The following UGT1A7 variants were observed in gnomAD, a reference collection of about 807,000 sequenced individuals.
UGT1A7 encodes the protein UDP glucuronosyltransferase family 1 member A7.
In UGT1A7, 33 loss-of-function variants were observed where a neutral mutation model predicts 45.6. The ratio of observed to expected loss-of-function variants is 0.72; its 90% CI spans 0.55 to 0.97. UGT1A7 has a LOEUF of 0.97. UGT1A7 is among the 50% of genes least tolerant of loss of function. The pLI, the probability that UGT1A7 is intolerant of heterozygous loss-of-function variation, is 0.00. For missense variants in UGT1A7, 684 were observed against 666.2 expected (o/e 1.03, Z -0.29); for synonymous variants, 274 against 250.6 (o/e 1.09, Z -0.88).
chr2:233,771,766 C>T (rs1025155606), intron 4 of UGT1A7, among the ~76,000 whole-genome samples: 1 of 151,968 alleles, frequency 6.6e-6, no homozygotes, highest in African/African-American at 2.4e-5. Context: ...CTTCCTCCGT[C>T]CCTCTCTCCT....
chr2:233,696,068 A>T (rs1471650951), intron 1 of UGT1A7, among the ~76,000 whole-genome samples: 1 of 152,218 alleles, frequency 6.6e-6, no homozygotes, highest in Non-Finnish European at 1.5e-5. Context: ...TACAGCCACT[A>T]TGAAGAACAG....
chr2:233,758,756 G>A (rs1321245048), intron 1 of UGT1A7, among the ~76,000 whole-genome samples: 1 of 152,198 alleles, frequency 6.6e-6, no homozygotes, highest in Non-Finnish European at 1.5e-5. Context: ...GGCCAGTGAT[G>A]TGTATGGTTC....
At chr2:233,737,822 A>G (rs1690601410) in intron 1 of UGT1A7, among the ~76,000 whole-genome samples, 1 of 152,126 alleles carries the variant, frequency 6.6e-6, no homozygotes, top group African/African-American at 2.4e-5. Flanking sequence ...GGAGCAGAAC[A>G]AATTGGGAAC....
chr2:233,729,302 T>A, intron 1 of UGT1A7: 1 of 1,614,250 alleles, frequency 6.2e-7, no homozygotes, highest in Non-Finnish European at 8.5e-7. Context: ...CACCAGGCAG[T>A]GGTCCTCACC....
At chr2:233,726,020 T>C (rs1287334417) in intron 1 of UGT1A7, among the ~76,000 whole-genome samples, 1 of 152,052 alleles carries the variant, frequency 6.6e-6, no homozygotes, top group African/African-American at 2.4e-5. Context: ...CAAAAAATTA[T>C]CCAGGTGTGA....
intron 1 of UGT1A7, chr2:233,719,474 G>C: frequency 6.2e-7 from 1 of 1,613,940 alleles, no homozygotes. Context: ...TCTACCCTCT[G>C]GCCCTGTCCT....
At chr2:233,692,144 A>G (rs1047287655) in intron 1 of UGT1A7, 1 of 152,200 alleles carries the variant, frequency 6.6e-6, no homozygotes, top group East Asian at 1.9e-4. Flanking sequence ...ATGGAAGCCT[A>G]CATAAAAACT....
chr2:233,743,704 C>G, intron 1 of UGT1A7: 2 of 1,367,360 alleles, frequency 1.5e-6, no homozygotes, highest in Non-Finnish European at 2.0e-6. Context: ...CCTCCGCCCC[C>G]GCCTCGCCAT....
In UGT1A7 at chr2:233,772,606, T is replaced by C. The variant is rs34895241; in HGVS notation, c.*47T>C. 98 of 1,584,170 alleles carry C rather than the reference T, an allele frequency of 6.2e-5. No homozygotes were observed. Among genetic ancestry groups the C allele is most frequent in the Admixed American group, 4.5e-4 (25 of 55,206 alleles). On this transcript the variant is annotated 3_prime_UTR_variant, in exon 5 of 5. Transcript: ENST00000373426. The stretch of plus-strand genomic sequence containing the variant: ...AAAATTTTGAACCATTCCCTAGTCA[T>C]TTCCAAACTTGAAAACAGAATCAGT...
rs760358460 is a variant in UGT1A7 at position 233,693,812 on chromosome 2, A to C, written c.855+11020A>C. 22 of 1,614,124 alleles carry C rather than the reference A, an allele frequency of 1.4e-5. No homozygotes were observed. In the South Asian group the frequency reaches 2.3e-4, roughly 17 times the overall value. On this transcript the variant is annotated intron_variant, in intron 1 of 4. Transcript: ENST00000373426. ...TGAATATCCTAGGCCGGTCATGCCC[A>C]ACATGGTCTTCATTGGAGGTATCAA... is the stretch of plus-strand genomic sequence containing the variant.
Position 233,772,351 on chromosome 2 carries a change from T to C in UGT1A7, c.1385T>C (p.Val462Ala). 1 of 1,614,248 alleles carries C rather than the reference T, an allele frequency of 6.2e-7. No individual in the cohort carries two copies. The change falls in exon 5 of 5, where the codon GTG becomes GCG. Residue 462 changes from valine (V) to alanine (A), a missense_variant. Transcript: ENST00000373426. ...CTGGCCGTGTTCTGGGTGGAGTTTG[T>C]GATGAGGCACAAGGGCGCGCCACAC... ...LDLAVFWVEF[V>A]MRHKGAPHLR...
rs545178357 is a variant in UGT1A7 at position 233,762,901 on chromosome 2, A to C, written c.856-4133A>C. ...TCTTATAAATTCCATGCCAAATATC[A>C]GGGCTATTGAATTTATTAGAATCTC... On this transcript the variant is annotated intron_variant, in intron 1 of 4. Coordinates refer to ENST00000373426, the MANE Select transcript of UGT1A7 (RefSeq NM_019077.3). Among the ~76,000 whole-genome samples the C allele has an allele frequency of 3.3e-5, 5 of 152,312 alleles. No homozygotes were observed. In the South Asian group the frequency reaches 1.0e-3, roughly 32 times the overall value.
At chr2:233,749,031 C>A (rs1694088347) in intron 1 of UGT1A7, among the ~76,000 whole-genome samples, 1 of 151,676 alleles carries the variant, frequency 6.6e-6, no homozygotes, top group African/African-American at 2.4e-5. Context: ...ATTTGGGGTT[C>A]ATTGATGTGG....
rs531889004 is a variant in UGT1A7 at position 233,731,047 on chromosome 2, T to C, written c.856-35987T>C. Among the ~76,000 whole-genome samples, 5 of 152,366 alleles carry C rather than the reference T, an allele frequency of 3.3e-5. No homozygotes were observed. In the East Asian group the frequency reaches 5.8e-4, roughly 18 times the overall value. On this transcript the variant is annotated intron_variant, in intron 1 of 4. Transcript: ENST00000373426. ...GCCTTTTTATGTCATATTCACCGAA[T>C]GTGTATGAACTTCCATGATTTAGAT...
At chr2:233,743,564 G>C (rs772866173) in intron 1 of UGT1A7, 1 of 1,367,272 alleles carries the variant, frequency 7.3e-7, no homozygotes, top group East Asian at 4.6e-5. Flanking sequence ...ATTCTCCAGC[G>C]GGTTTCCCAA....
chr2:233,772,009 A>G (rs1267109388), intron 4 of UGT1A7, among the ~76,000 whole-genome samples: 2 of 152,192 alleles, frequency 1.3e-5, no homozygotes, highest in African/African-American at 4.8e-5. Context: ...GCTACTCTGG[A>G]GGCTGAGGCA....
At chr2:233,729,199 T>G (rs767614546) in intron 1 of UGT1A7, 1 of 1,614,000 alleles carries the variant, frequency 6.2e-7, no homozygotes, top group Non-Finnish European at 8.5e-7. Context: ...TGTCCAGCCC[T>G]GGGCTGAGAG....
At chr2:233,730,586 G>A (rs2078050719) in intron 1 of UGT1A7, among the ~76,000 whole-genome samples, 1 of 152,116 alleles carries the variant, frequency 6.6e-6, no homozygotes, top group Admixed American at 6.6e-5. Context: ...TTCCAGACAG[G>A]GATCTGTGCT....
At chr2:233,703,336 CTT>C (rs2075733566) in intron 1 of UGT1A7, among the ~76,000 whole-genome samples, 1 of 151,932 alleles carries the variant, frequency 6.6e-6, no homozygotes, top group South Asian at 2.1e-4. Flanking sequence ...AGTCTTCTCT[CTT>C]TTTTCTTTGT....
Sources: allele counts gnomAD v4.1 joint callset (sites outside exome capture counted in the v4.1 genomes callset), GRCh38; gene constraint gnomAD v4.1.1; transcripts MANE v1.5; gene names NCBI Gene and HGNC (gene_info 2026-07-23, HGNC 2026-07-21).